The following PIWIL1 variants were observed in gnomAD, a reference collection of about 807,000 sequenced individuals.
The protein encoded by PIWIL1 is piwi like RNA-mediated gene silencing 1.
Under a neutral mutation model 114.4 loss-of-function variants are expected in PIWIL1, and 73 were observed. The observed-to-expected ratio is 0.64, with a 90% CI of 0.53 to 0.78. PIWIL1 has a LOEUF of 0.78. Among genes scored for constraint, PIWIL1 ranks in the 30% least tolerant of loss-of-function variants. The pLI, the probability that PIWIL1 is intolerant of heterozygous loss-of-function variation, is 0.00. For missense variants in PIWIL1, 723 were observed against 1,063.1 expected (o/e 0.68, Z 4.45); for synonymous variants, 375 against 369.0 (o/e 1.02, Z -0.19).
intron 1 of PIWIL1, among the ~76,000 whole-genome samples, chr12:130,338,445 A>G (rs71446297): frequency 1.1e-4 from 2 of 18,172 alleles, no homozygotes; most frequent in African/African-American, 1.7e-4. Flanking sequence ...CAGGTGCGGG[A>G]GATGCAGGAG....
chr12:130,345,647 T>G, intron 3 of PIWIL1, 106 bp from the exon 4 acceptor site: 2 of 1,204,274 alleles, frequency 1.7e-6, no homozygotes, highest in Non-Finnish European at 2.4e-6. Context: ...CCTTGTCTTC[T>G]ACACCTCAGT....
At chr12:130,340,442 G>A (rs950101004) in intron 1 of PIWIL1, among the ~76,000 whole-genome samples, 1 of 151,926 alleles carries the variant, frequency 6.6e-6, no homozygotes, top group Non-Finnish European at 1.5e-5. Flanking sequence ...TTCTCATAAG[G>A]AGCAGGCAGC....
intron 9 of PIWIL1, among the ~76,000 whole-genome samples, chr12:130,352,807 C>T (rs1419700818): frequency 6.6e-6 from 1 of 152,136 alleles, no homozygotes. Context: ...TGAGAGAGGA[C>T]ACATTTCTGA....
At chr12:130,370,244 G>GAA (rs11350549) in intron 19 of PIWIL1, among the ~76,000 whole-genome samples, 2 of 143,688 alleles carry the variant, frequency 1.4e-5, no homozygotes, top group East Asian at 2.1e-4. Flanking sequence ...CCAAGAAAAT[G>GAA]AAAAAAAAAA....
intron 13 of PIWIL1, 54 bp downstream of exon 13, chr12:130,357,159 G>C: frequency 7.1e-7 from 1 of 1,407,010 alleles, no homozygotes; most frequent in Non-Finnish European, 9.9e-7. Context: ...TCATTTGGAG[G>C]GGTGGGAACT....
At chr12:130,389,611 A>T in the PIWIL1 span, among the ~76,000 whole-genome samples, 2 of 152,010 alleles carry the variant, frequency 1.3e-5, no homozygotes, top group Non-Finnish European at 2.9e-5. Context: ...CGGCTGTATG[A>T]TTATGTTCTT....
At chr12:130,371,102 G>GGAATCACC in intron 19 of PIWIL1, 74 bp from the exon 20 acceptor site, 1 of 1,257,032 alleles carries the variant, frequency 8.0e-7, no homozygotes, top group African/African-American at 1.5e-5. Flanking sequence ...GTGGTACAGA[G>GGAATCACC]CTTTTCACTG....
the PIWIL1 span, among the ~76,000 whole-genome samples, chr12:130,400,616 A>G: frequency 3.7e-3 from 557 of 152,298 alleles, 3 homozygotes; most frequent in Non-Finnish European, 6.3e-3. Context: ...CTCTGTTTAT[A>G]TGGTCTAGGA....
intron 18 of PIWIL1, among the ~76,000 whole-genome samples, chr12:130,364,177 A>G (rs1448861010): frequency 6.6e-6 from 1 of 152,236 alleles, no homozygotes; most frequent in Non-Finnish European, 1.5e-5. Flanking sequence ...TGCATAATAC[A>G]TTACAGATTT....
the PIWIL1 span, among the ~76,000 whole-genome samples, chr12:130,402,928 T>TG: frequency 6.6e-6 from 1 of 151,746 alleles, no homozygotes; most frequent in African/African-American, 2.4e-5. Context: ...CACGATGGGG[T>TG]GTTAGAAGTC....
chr12:130,383,366 G>A, the PIWIL1 span: 2 of 152,214 alleles, frequency 1.3e-5, no homozygotes, highest in African/African-American at 4.8e-5. Flanking sequence ...CAGGGTCAGT[G>A]ACTAGGAGTT....
the PIWIL1 span, chr12:130,397,648 CA>C: frequency 2.5e-6 from 1 of 396,244 alleles, no homozygotes; most frequent in Non-Finnish European, 4.4e-6. Flanking sequence ...CAGGAAAGGT[CA>C]GGGGGGTTCA....
At chr12:130,424,784 C>T in the PIWIL1 span, 1 of 1,232,990 alleles carries the variant, frequency 8.1e-7, no homozygotes, top group Non-Finnish European at 1.0e-6. This position sits in a 1 kb window ranked among gnomAD's most constrained non-coding sequence, Gnocchi z 9.8. Context: ...TGAAAAGTCT[C>T]TTCCTGTGGG....
Position 130,343,011 on chromosome 12 carries a change from C to T in PIWIL1, c.100C>T (p.Gln34Ter). The T allele has an allele frequency of 6.2e-7, 1 of 1,614,026 alleles. No homozygotes were observed. Among genetic ancestry groups the T allele is most frequent in the Non-Finnish European group, 8.5e-7 (1 of 1,179,876 alleles). Reference sequence around the variant, plus strand: ...ACAGAGTCAGCAACCTGGTTATATTCAGCCTAGGCCTCAGCCGCCACCAGC... The same window carrying T: ...ACAGAGTCAGCAACCTGGTTATATTTAGCCTAGGCCTCAGCCGCCACCAGC... Reference protein sequence around the residue: ...STASQQPGYIQPRPQPPPAEG... With the variant: ...STASQQPGYI Residue 34 changes from glutamine (Q) to a stop codon, truncating the protein, a stop_gained, in exon 3 of 21, where the codon CAG becomes TAG. Coordinates refer to ENST00000245255, the MANE Select transcript of PIWIL1 (RefSeq NM_004764.5). LOFTEE classifies it high-confidence loss of function.
chr12:130,371,147 G>T (rs1285798115), intron 19 of PIWIL1, 29 bp from the exon 20 acceptor site: 21 of 1,604,230 alleles, frequency 1.3e-5, no homozygotes, highest in Non-Finnish European at 1.7e-5. Flanking sequence ...TTAGTTTTCA[G>T]CACATCCGTG....
the PIWIL1 span, chr12:130,399,125 C>T: frequency 1.4e-6 from 2 of 1,395,520 alleles, no homozygotes. Context: ...GTGAAGGCTA[C>T]ATTGCCTGAT....
chr12:130,363,039 T>A lies in PIWIL1; in HGVS notation c.2090T>A (p.Ile697Asn). Reference protein sequence around the residue: ...NSCNEYMPSRIIVYRDGVGDG... With the variant: ...NSCNEYMPSRNIVYRDGVGDG... ...TGCAATGAGTACATGCCCAGCCGGA[T>A]CATCGTGTACCGCGATGGCGTAGGA... is the stretch of plus-strand genomic sequence containing the variant. Residue 697 changes from isoleucine (I) to asparagine (N), a missense_variant, in exon 18 of 21, where the codon ATC becomes AAC. Ile to Asn is a moderately radical substitution (Grantham distance 149). Coordinates refer to ENST00000245255, the MANE Select transcript of PIWIL1 (RefSeq NM_004764.5). The A allele has an allele frequency of 6.2e-7, 1 of 1,614,236 alleles. No individual in the cohort carries two copies. The highest frequency in any genetic ancestry group is 8.5e-7 in the Non-Finnish European group (1 of 1,180,044).
At chr12:130,406,059 G>C in the PIWIL1 span, 469 of 689,990 alleles carry the variant, frequency 6.8e-4, 1 homozygote, top group Non-Finnish European at 4.1e-4. Context: ...ATCAGCAGGC[G>C]TATGACGTTC....
At chr12:130,415,273 C>T in the PIWIL1 span, among the ~76,000 whole-genome samples, 5,306 of 152,172 alleles carry the variant, frequency 0.035, 332 homozygotes, top group African/African-American at 0.12. Flanking sequence ...ATATGATTCA[C>T]CACAGAAACA....
Sources: allele counts gnomAD v4.1 joint callset (sites outside exome capture counted in the v4.1 genomes callset), GRCh38; gene constraint gnomAD v4.1.1; non-coding constraint Gnocchi (gnomAD v3.1); transcripts MANE v1.5; gene names NCBI Gene and HGNC (gene_info 2026-07-23, HGNC 2026-07-21).